The following CRACD variants were observed in gnomAD, a reference collection of about 807,000 sequenced individuals.
CRACD encodes the protein capping protein-inhibiting regulator of actin dynamics.
In CRACD, 56 loss-of-function variants were observed where a neutral mutation model predicts 106.8. The ratio of observed to expected loss-of-function variants is 0.52; its 90% CI spans 0.42 to 0.66. The LOEUF is 0.66. Among genes scored for constraint, CRACD ranks in the 30% least tolerant of loss-of-function variants. The probability of loss-of-function intolerance (pLI) is 0.00; values close to 1 mark genes in which losing one functional copy is unlikely to be tolerated. For missense variants in CRACD, 1,730 were observed against 1,623.2 expected (o/e 1.07, Z -1.13); for synonymous variants, 754 against 670.8 (o/e 1.12, Z -1.92).
chr4:56,124,858 C>T (rs1734608010), intron 1 of CRACD, among the ~76,000 whole-genome samples: 1 of 152,124 alleles, frequency 6.6e-6, no homozygotes, highest in Admixed American at 6.5e-5. Flanking sequence ...TCTAATATCC[C>T]TAAGTGGAGC....
chr4:56,293,786 A>G (rs1743831089), intron 3 of CRACD, among the ~76,000 whole-genome samples: 1 of 152,228 alleles, frequency 6.6e-6, no homozygotes, highest in African/African-American at 2.4e-5. Context: ...TGAGAAATCC[A>G]TCCCCATGAT....
chr4:56,322,191 T>C (rs901272372), intron 8 of CRACD, among the ~76,000 whole-genome samples: 2 of 152,232 alleles, frequency 1.3e-5, no homozygotes, highest in African/African-American at 4.8e-5. Flanking sequence ...AGCTCACTTT[T>C]GTAGAGTGAC....
intron 2 of CRACD, among the ~76,000 whole-genome samples, chr4:56,192,451 A>G (rs1321638693): frequency 6.6e-6 from 1 of 152,116 alleles, no homozygotes; most frequent in Non-Finnish European, 1.5e-5. Context: ...ACAATGTCAT[A>G]TCCAGTGCCC....
At chr4:56,253,051 C>T (rs527781457) in intron 2 of CRACD, among the ~76,000 whole-genome samples, 5 of 152,204 alleles carry the variant, frequency 3.3e-5, no homozygotes, top group South Asian at 4.2e-4. Context: ...GTTGGGGATT[C>T]GGGTTATAGG....
chr4:56,115,786 A>G (rs577064507), intron 1 of CRACD, among the ~76,000 whole-genome samples: 1 of 152,318 alleles, frequency 6.6e-6, no homozygotes, highest in Admixed American at 6.5e-5. Context: ...TAGAAACAAA[A>G]TTATTTCAGC....
intron 1 of CRACD, among the ~76,000 whole-genome samples, chr4:56,074,056 G>A (rs907518045): frequency 6.6e-6 from 1 of 151,856 alleles, no homozygotes; most frequent in Non-Finnish European, 1.5e-5. Flanking sequence ...TGTTCCATTG[G>A]TCTATATATC....
intron 1 of CRACD, among the ~76,000 whole-genome samples, chr4:56,062,756 T>C (rs762726403): frequency 6.6e-6 from 1 of 152,198 alleles, no homozygotes; most frequent in Non-Finnish European, 1.5e-5. Flanking sequence ...GACTGAATTA[T>C]TTAATTCATC....
intron 8 of CRACD, among the ~76,000 whole-genome samples, chr4:56,318,028 G>GATTGTTTTCTCCTTTGTTCAAGTATTT (rs1560540776): frequency 6.6e-6 from 1 of 152,146 alleles, no homozygotes; most frequent in African/African-American, 2.4e-5. Flanking sequence ...TCTTAGGAGG[G>GATTGTTTTCTCCTTTGTTCAAGTATTT]ATTGTTTTCT....
At chr4:56,064,082 A>T (rs1255769574) in intron 1 of CRACD, among the ~76,000 whole-genome samples, 1 of 152,170 alleles carries the variant, frequency 6.6e-6, no homozygotes, top group Non-Finnish European at 1.5e-5. Context: ...TTTGATTTGC[A>T]GTTCCCTGAT....
intron 2 of CRACD, among the ~76,000 whole-genome samples, chr4:56,199,959 A>G (rs1311768065): frequency 6.6e-6 from 1 of 151,842 alleles, no homozygotes; most frequent in African/African-American, 2.4e-5. Flanking sequence ...GTTGCCATTT[A>G]GTTTGGGAAT....
Position 56,070,847 on chromosome 4 carries a change from CTGTGTGTGTGTGTG to C in CRACD, c.-336+21578_-336+21591del, listed in dbSNP as rs60372588. ...TACTGCAGGAATGCCAGGGGCTATG[CTGTGTGTGTGTGTG>C]TGTGTGTGTGTGTGTGTGTGTGTGT... On this transcript the variant is annotated intron_variant, in intron 1 of 10. Coordinates refer to ENST00000682029, the MANE Select transcript of CRACD (RefSeq NM_001393381.1). Among the ~76,000 whole-genome samples, 31 of 120,434 alleles carry C rather than the reference CTGTGTGTGTGTGTG, an allele frequency of 2.6e-4. 1 individual carries two copies. In the East Asian group the frequency reaches 3.8e-3, roughly 15 times the overall value. The allele number at this position is 120,434 out of a possible 152,430, so 79.0% of individuals were successfully genotyped here. A position where few individuals can be genotyped will look rare whatever the true frequency, so the allele number is the denominator to read the frequency against.
chr4:56,267,156 T>C (rs1459214587), intron 2 of CRACD, among the ~76,000 whole-genome samples: 7 of 151,584 alleles, frequency 4.6e-5, no homozygotes, highest in Admixed American at 4.6e-4. Flanking sequence ...AGTCTCGCAC[T>C]GTCGCTCGGG....
At chr4:56,145,048 A>G (rs182780051) in intron 1 of CRACD, among the ~76,000 whole-genome samples, 1 of 152,250 alleles carries the variant, frequency 6.6e-6, no homozygotes, top group Admixed American at 6.5e-5. Flanking sequence ...CCAGCCTCCC[A>G]AAGTGCTGAG....
intron 1 of CRACD, among the ~76,000 whole-genome samples, chr4:56,150,053 G>A (rs980579292): frequency 2.0e-5 from 3 of 152,102 alleles, no homozygotes; most frequent in Non-Finnish European, 4.4e-5. Context: ...AATGCTATGG[G>A]AACTTACAGA....
chr4:56,198,853 A>G (rs546397849), intron 2 of CRACD, among the ~76,000 whole-genome samples: 10 of 152,316 alleles, frequency 6.6e-5, no homozygotes, highest in African/African-American at 2.4e-4. Context: ...AGGGGGGACT[A>G]GTTTTCGTTT....
At chr4:56,145,243 T>C (rs552443308) in intron 1 of CRACD, among the ~76,000 whole-genome samples, 1 of 152,362 alleles carries the variant, frequency 6.6e-6, no homozygotes, top group Non-Finnish European at 1.5e-5. Flanking sequence ...ACACCAGAGA[T>C]GTACTCACGT....
chr4:56,282,243 C>T (rs1219326467), intron 3 of CRACD, among the ~76,000 whole-genome samples: 1 of 152,178 alleles, frequency 6.6e-6, no homozygotes, highest in Non-Finnish European at 1.5e-5. Context: ...TAATCATTGC[C>T]ATAGTAATTA....
intron 2 of CRACD, among the ~76,000 whole-genome samples, chr4:56,214,419 C>T (rs915498044): frequency 2.0e-5 from 3 of 149,238 alleles, no homozygotes; most frequent in Non-Finnish European, 4.5e-5. Flanking sequence ...ATGGTGAAAA[C>T]TCATCTCTAC....
At chr4:56,184,146 C>T (rs935271209) in intron 2 of CRACD, among the ~76,000 whole-genome samples, 3 of 152,172 alleles carry the variant, frequency 2.0e-5, no homozygotes, top group African/African-American at 4.8e-5. Context: ...TCTCAGCTCA[C>T]GGCAACCCCC....
Sources: allele counts gnomAD v4.1 joint callset (sites outside exome capture counted in the v4.1 genomes callset), GRCh38; gene constraint gnomAD v4.1.1; transcripts MANE v1.5; gene names NCBI Gene and HGNC (gene_info 2026-07-23, HGNC 2026-07-21).